LCOR: variants seen among roughly 807,000 people sequenced by gnomAD.
LCOR encodes the protein ligand dependent nuclear receptor corepressor, also known as ligand-dependent corepressor.
Under a neutral mutation model 64.4 loss-of-function variants are expected in LCOR, and 14 were observed. That is an observed-to-expected ratio of 0.22 (90% confidence interval 0.14 to 0.34). The LOEUF (loss-of-function observed/expected upper bound fraction) is 0.34. Among genes scored for constraint, LCOR ranks in the 10% least tolerant of loss-of-function variants. The probability of loss-of-function intolerance (pLI) is 1.00; values close to 1 mark genes in which losing one functional copy is unlikely to be tolerated. For missense variants in LCOR, 1,686 were observed against 1,765.3 expected, an observed-to-expected ratio of 0.96 and a Z score of 0.80; for synonymous variants, 643 against 642.5, an observed-to-expected ratio of 1.00 and a Z score of -0.01.
chr10:96,898,600 G>A (rs557335430), intron 2 of LCOR, among the ~76,000 whole-genome samples: 1 of 152,204 alleles, frequency 6.6e-6, no homozygotes, highest in Non-Finnish European at 1.5e-5. Flanking sequence ...TTATTAATAG[G>A]TGGTGTGATG....
At position 96,983,808 on chromosome 10, in the gene LCOR, C is replaced by G. The variant is rs1198988404; in HGVS notation, c.3348C>G (p.Ala1116=). Residue 1116 remains alanine, a synonymous_variant, in exon 8 of 8, where the codon GCC becomes GCG. Coordinates refer to ENST00000421806, the MANE Select transcript of LCOR (RefSeq NM_001346516.2). This position sits in a 1 kb window ranked among gnomAD's most constrained non-coding sequence, Gnocchi z 4.5. ...ENQELIANFN[A]QYMKVQKGWI... is the part of the protein sequence containing the mutation. ...AAGAGCTCATCGCCAACTTCAATGC[C>G]CAGTACATGAAAGTTCAGAAGGGCT... 1 of 1,613,960 alleles carries G rather than the reference C, an allele frequency of 6.2e-7. No homozygotes were observed. Among genetic ancestry groups the G allele is most frequent in the Non-Finnish European group, 8.5e-7 (1 of 1,179,990 alleles).
chr10:96,891,984 TG>T (rs1846453585), intron 2 of LCOR, among the ~76,000 whole-genome samples: 1 of 152,240 alleles, frequency 6.6e-6, no homozygotes, highest in Non-Finnish European at 1.5e-5. Flanking sequence ...TTCAGTCTTT[TG>T]AAATTTACGG....
Position 96,984,995 on chromosome 10 carries a change from A to T in LCOR, c.4535A>T (p.Asn1512Ile). 6.2e-7 allele frequency: 1 copy of T among 1,614,214 alleles called. No individual in the cohort carries two copies. The highest frequency in any genetic ancestry group is 8.5e-7 in the Non-Finnish European group (1 of 1,180,046). Reference sequence around the variant, plus strand: ...TCTTCAAGGCCTCAGAAAGCCACGAATAGGAAGCAGAGTAGTGGAAAGACT... The same window carrying T: ...TCTTCAAGGCCTCAGAAAGCCACGATTAGGAAGCAGAGTAGTGGAAAGACT... ...ESSSRPQKATNRKQSSGKTRA... is the reference protein window; with the variant it reads ...ESSSRPQKATIRKQSSGKTRA... The change falls in exon 8 of 8, where the codon AAT (asparagine) becomes ATT (isoleucine). Residue 1512 changes from asparagine to isoleucine, a missense_variant. By Grantham distance (149) the Asn-to-Ile change is moderately radical (BLOSUM62 -3). This residue lies in a region of LCOR where 1,293 missense variants were observed against 1,410.4 expected (regional missense o/e 0.92). Transcript: ENST00000421806.
chr10:96,984,796 C>T lies in LCOR; in HGVS notation c.4336C>T (p.Pro1446Ser), dbSNP rs1848132141. The change falls in exon 8 of 8, where the codon CCC becomes TCC. Residue 1446 changes from proline to serine, a missense_variant. By Grantham distance (74) the Pro-to-Ser change is moderately conservative. Around this residue, in one of 3 missense-constraint regions of LCOR, gnomAD observed 1,293 missense variants for 1,410.4 expected, o/e 0.92. Coordinates refer to ENST00000421806, the MANE Select transcript of LCOR (RefSeq NM_001346516.2). ...AGCTGCAAGGGACAGAAGCAGCCAA[C>T]CCCCCAAAAAGACGTCTTTGAAAGA... ...RPAARDRSSQ[P>S]PKKTSLKENK... 4 of 1,613,916 alleles carry T rather than the reference C, an allele frequency of 2.5e-6. No homozygotes were observed. Among genetic ancestry groups the T allele is most frequent in the African/African-American group, 1.3e-5 (1 of 74,900 alleles).
intron 2 of LCOR, among the ~76,000 whole-genome samples, chr10:96,879,512 A>G (rs1363477366): frequency 1.3e-5 from 2 of 152,232 alleles, no homozygotes; most frequent in East Asian, 1.9e-4. Context: ...TTTTCACAAT[A>G]TAAAAAACAG....
chr10:96,848,616 C>T (rs1057384071), intron 2 of LCOR, among the ~76,000 whole-genome samples: 1 of 152,144 alleles, frequency 6.6e-6, no homozygotes, highest in African/African-American at 2.4e-5. Context: ...TGAGATCGCG[C>T]CATTGCACTC....
chr10:96,846,462 G>A (rs944707575), intron 2 of LCOR, among the ~76,000 whole-genome samples: 8 of 151,906 alleles, frequency 5.3e-5, no homozygotes, highest in Non-Finnish European at 1.2e-4. Context: ...ATGTTGCCCA[G>A]GCTAGTCTTA....
chr10:96,912,459 TG>T (rs925704142), intron 4 of LCOR, among the ~76,000 whole-genome samples: 1 of 152,352 alleles, frequency 6.6e-6, no homozygotes, highest in Admixed American at 6.5e-5. Flanking sequence ...GTCCTTTATC[TG>T]GTCCAAGATC....
At chr10:96,865,874 CAAAAA>C (rs57814101) in intron 2 of LCOR, among the ~76,000 whole-genome samples, 1 of 89,004 alleles carries the variant, frequency 1.1e-5, no homozygotes, top group African/African-American at 3.5e-5. Flanking sequence ...GACTCTGTCT[CAAAAA>C]AAAAAAAAAA....
chr10:96,941,198 C>CA (rs1847461528), intron 4 of LCOR, among the ~76,000 whole-genome samples: 2 of 143,000 alleles, frequency 1.4e-5, no homozygotes, highest in Admixed American at 6.8e-5. Flanking sequence ...GCTGACCCCC[C>CA]CACCTCCCTC....
intron 2 of LCOR, among the ~76,000 whole-genome samples, chr10:96,867,121 G>A (rs535398457): frequency 1.3e-5 from 2 of 152,070 alleles, no homozygotes; most frequent in African/African-American, 4.8e-5. Context: ...CGAGTAGCTG[G>A]GATTACAGGC....
chr10:96,870,735 C>G (rs928240189), intron 2 of LCOR, among the ~76,000 whole-genome samples: 2 of 152,180 alleles, frequency 1.3e-5, no homozygotes, highest in Admixed American at 6.6e-5. Context: ...ACTCCTATTG[C>G]TTTGTCTTCC....
chr10:96,935,339 G>C (rs1398391701), intron 4 of LCOR, among the ~76,000 whole-genome samples: 1 of 151,682 alleles, frequency 6.6e-6, no homozygotes, highest in Non-Finnish European at 1.5e-5. Context: ...AGCGGAGATG[G>C]GGTTTCACCA....
At chr10:96,949,744 C>T (rs887674924) in intron 6 of LCOR, among the ~76,000 whole-genome samples, 5 of 152,048 alleles carry the variant, frequency 3.3e-5, no homozygotes, top group Admixed American at 6.5e-5. Flanking sequence ...AACATGTATT[C>T]GAATTTTGAG....
intron 2 of LCOR, among the ~76,000 whole-genome samples, chr10:96,902,775 T>C (rs572252839): frequency 2.2e-4 from 34 of 152,300 alleles, no homozygotes; most frequent in African/African-American, 7.2e-4. Context: ...ACTAATTGAT[T>C]ATTATTGCCA....
Position 96,994,482 on chromosome 10 carries a change from T to C in LCOR, c.*9348T>C, listed in dbSNP as rs1002148089. 1 of 152,228 alleles carries C rather than the reference T, an allele frequency of 6.6e-6. No homozygotes were observed. Among genetic ancestry groups the C allele is most frequent in the Non-Finnish European group, 1.5e-5 (1 of 68,034 alleles). 9.4% of individuals were successfully genotyped at this position (152,228 alleles called of 1,614,324 possible). ...CAGATAACCATTAATAGAAGTAATG[T>C]AGTTTTTTAGGCTTTTGGAATATGT... On this transcript the variant is annotated 3_prime_UTR_variant, in exon 8 of 8. Transcript: ENST00000421806.
chr10:96,930,247 C>G (rs1176923361), intron 4 of LCOR, among the ~76,000 whole-genome samples: 2 of 152,164 alleles, frequency 1.3e-5, no homozygotes, highest in African/African-American at 4.8e-5. Context: ...ATCTATATGT[C>G]TGTCCTTACA....
intron 4 of LCOR, among the ~76,000 whole-genome samples, chr10:96,937,798 C>T (rs1478542940): frequency 2.0e-5 from 3 of 152,192 alleles, no homozygotes; most frequent in African/African-American, 7.2e-5. Context: ...CACAAGAAAA[C>T]TACAGACAAA....
At chr10:96,856,304 C>T (rs970382946) in intron 2 of LCOR, among the ~76,000 whole-genome samples, 13 of 152,190 alleles carry the variant, frequency 8.5e-5, no homozygotes, top group African/African-American at 2.9e-4. Flanking sequence ...CCTTGTGATC[C>T]GCCCACTTGG....
Sources: gnomAD v4.1 joint callset for allele counts (sites outside exome capture counted in the v4.1 genomes callset) on GRCh38, gnomAD v4.1.1 for gene constraint, gnomAD v4.1.1 regional missense constraint, Gnocchi (gnomAD v3.1) non-coding constraint, MANE v1.5 for transcripts, NCBI Gene and HGNC (gene_info 2026-07-23, HGNC 2026-07-21) for gene names.